The following CMIP variants were observed in gnomAD, a reference collection of about 807,000 sequenced individuals.
The protein encoded by CMIP is c-Maf inducing protein.
CMIP carries 13 observed loss-of-function variants against 97.3 expected under a neutral mutation model. That is an observed-to-expected ratio of 0.13 (90% CI 0.09 to 0.21). The LOEUF (loss-of-function observed/expected upper bound fraction) is 0.21, where lower values mean the gene tolerates loss of function less well. Ranked by LOEUF, CMIP falls within the 10% of genes least tolerant of loss-of-function variation. The pLI, the probability that CMIP is intolerant of heterozygous loss-of-function variation, is 1.00. For synonymous variants in CMIP, 538 were observed against 436.3 expected (o/e 1.23, Z -2.91); for missense variants, 847 against 1,024.9 (o/e 0.83, Z 2.37).
intron 3 of CMIP, among the ~76,000 whole-genome samples, chr16:81,628,951 C>G (rs1309033589): frequency 6.6e-6 from 1 of 151,776 alleles, no homozygotes; most frequent in Non-Finnish European, 1.5e-5. Context: ...GCCTGGCCAA[C>G]ATGGGGAAAC....
chr16:81,668,892 C>G (rs1365537489), intron 7 of CMIP, among the ~76,000 whole-genome samples: 1 of 147,166 alleles, frequency 6.8e-6, no homozygotes, highest in Non-Finnish European at 1.5e-5. Context: ...GCCTTCCGTA[C>G]CCACCTCACA....
chr16:81,484,786 A>G (rs1045779945), intron 1 of CMIP, among the ~76,000 whole-genome samples: 1 of 151,898 alleles, frequency 6.6e-6, no homozygotes, highest in Non-Finnish European at 1.5e-5. Flanking sequence ...GGTTCACTCT[A>G]CCTTTGATCT....
chr16:81,581,131 A>G (rs893493510), intron 1 of CMIP, among the ~76,000 whole-genome samples: 2 of 151,928 alleles, frequency 1.3e-5, no homozygotes, highest in Admixed American at 6.6e-5. Context: ...GCAGAATGAT[A>G]CTCCATTGTC....
intron 3 of CMIP, among the ~76,000 whole-genome samples, chr16:81,626,348 G>A (rs1380416833): frequency 6.6e-6 from 1 of 151,928 alleles, no homozygotes; most frequent in African/African-American, 2.4e-5. Flanking sequence ...TGTGTGGTGT[G>A]TGAGGTGACT....
intron 10 of CMIP, among the ~76,000 whole-genome samples, chr16:81,688,833 G>T (rs574671726): frequency 6.6e-6 from 1 of 152,046 alleles, no homozygotes; most frequent in African/African-American, 2.4e-5. Context: ...AACAGGCCCC[G>T]GTGTGTGATG....
At chr16:81,493,719 T>C (rs1468348624) in intron 1 of CMIP, among the ~76,000 whole-genome samples, 7 of 152,188 alleles carry the variant, frequency 4.6e-5, no homozygotes, top group Admixed American at 4.6e-4. Context: ...AACTGCCGAA[T>C]ATGAGGGCCT....
intron 1 of CMIP, among the ~76,000 whole-genome samples, chr16:81,523,983 G>A (rs1044007560): frequency 1.3e-5 from 2 of 152,238 alleles, no homozygotes; most frequent in Non-Finnish European, 2.9e-5. Context: ...GTGCCTGTAC[G>A]TGTGTATGTG....
At chr16:81,685,307 GC>G (rs988562102) in intron 10 of CMIP, among the ~76,000 whole-genome samples, 40 of 152,112 alleles carry the variant, frequency 2.6e-4, no homozygotes, top group Middle Eastern at 3.2e-3. Context: ...TCCAGACCCC[GC>G]CTCAGACAGG....
At chr16:81,564,656 G>T (rs2090947535) in intron 1 of CMIP, among the ~76,000 whole-genome samples, 1 of 152,318 alleles carries the variant, frequency 6.6e-6, no homozygotes, top group East Asian at 1.9e-4. Flanking sequence ...GGGGCAGTGG[G>T]TCGGGCTGCT....
chr16:81,557,689 C>T (rs1186931883), intron 1 of CMIP, among the ~76,000 whole-genome samples: 3 of 152,142 alleles, frequency 2.0e-5, no homozygotes, highest in African/African-American at 4.8e-5. Context: ...GTGGGAGGAT[C>T]GCCTAGTTCA....
At chr16:81,583,857 C>T (rs1372694447) in intron 1 of CMIP, among the ~76,000 whole-genome samples, 1 of 152,160 alleles carries the variant, frequency 6.6e-6, no homozygotes, top group Non-Finnish European at 1.5e-5. Context: ...AGCAGAGGAA[C>T]AACACATTTG....
rs112295903 is a variant in CMIP at position 81,593,770 on chromosome 16, C to T, written c.301-13797C>T. The stretch of plus-strand genomic sequence containing the variant: ...CCATCTGCTTTCTCACAGCTACACT[C>T]CCTCCCTAGCACCCTCTTGAGGAGT... On this transcript the variant is annotated intron_variant, in intron 1 of 20. Transcript: ENST00000537098. 4.7e-3 allele frequency among the ~76,000 whole-genome samples: 716 copies of T among 152,306 alleles called. 13 individuals carry two copies. Among genetic ancestry groups the T allele is most frequent in the African/African-American group, 0.017 (688 of 41,570 alleles).
intron 1 of CMIP, among the ~76,000 whole-genome samples, chr16:81,446,590 C>G (rs906293071): frequency 5.1e-4 from 78 of 152,178 alleles, no homozygotes; most frequent in African/African-American, 1.9e-3. Flanking sequence ...GCACACTCCT[C>G]CCTGGGGCCA....
rs1446080883 is a variant in CMIP at position 81,580,487 on chromosome 16, G to A, written c.301-27080G>A. On this transcript the variant is annotated intron_variant, in intron 1 of 20. Transcript: ENST00000537098. The stretch of plus-strand genomic sequence containing the variant: ...CTCACTCTGTCACCCAGGCTGGAGT[G>A]CAGTGGCGTGATCTCGGCTCACTGC... 2.6e-5 allele frequency among the ~76,000 whole-genome samples: 4 copies of A among 151,554 alleles called. No homozygotes were observed. In the East Asian group the frequency reaches 7.9e-4, roughly 30 times the overall value.
At chr16:81,591,303 A>G (rs1010138818) in intron 1 of CMIP, among the ~76,000 whole-genome samples, 5 of 152,178 alleles carry the variant, frequency 3.3e-5, no homozygotes, top group Non-Finnish European at 5.9e-5. Context: ...AAGTCACATT[A>G]CTCTGGACAC....
intron 1 of CMIP, among the ~76,000 whole-genome samples, chr16:81,535,623 A>G (rs750406977): frequency 1.3e-5 from 2 of 152,164 alleles, no homozygotes; most frequent in Non-Finnish European, 2.9e-5. Flanking sequence ...TCTATTAGTA[A>G]TAATACAATT....
chr16:81,570,058 T>C (rs879476394), intron 1 of CMIP, among the ~76,000 whole-genome samples: 6 of 152,180 alleles, frequency 3.9e-5, no homozygotes, highest in Admixed American at 3.3e-4. Context: ...AATCTTCCTT[T>C]TCCCTCTCTC....
At chr16:81,591,038 C>G (rs763919639) in intron 1 of CMIP, among the ~76,000 whole-genome samples, 5 of 152,266 alleles carry the variant, frequency 3.3e-5, no homozygotes, top group Non-Finnish European at 5.9e-5. Context: ...ATATGGCCCA[C>G]AAAGCCTGAA....
chr16:81,596,616 C>T (rs1297077656), intron 1 of CMIP, among the ~76,000 whole-genome samples: 2 of 152,028 alleles, frequency 1.3e-5, no homozygotes, highest in Non-Finnish European at 2.9e-5. Context: ...CCTGTATCAC[C>T]AACAGCCAGA....
Sources: allele counts gnomAD v4.1 joint callset (sites outside exome capture counted in the v4.1 genomes callset), GRCh38; gene constraint gnomAD v4.1.1; transcripts MANE v1.5; gene names NCBI Gene and HGNC (gene_info 2026-07-23, HGNC 2026-07-21).